Variants in TAAR5 observed in about 807,000 individuals in gnomAD.
TAAR5 encodes the protein trace amine associated receptor 5, also known as trace amine-associated receptor 5.
A neutral mutation model predicts 21.1 loss-of-function variants in TAAR5; 27 were observed. The observed-to-expected ratio is 1.28, with a 90% CI of 0.94 to 1.76. The LOEUF (loss-of-function observed/expected upper bound fraction) is 1.76. Ranked by LOEUF, TAAR5 falls within the 40% of genes most tolerant of loss-of-function variation. TAAR5 has a pLI of 0.00. For synonymous variants in TAAR5, 203 were observed against 167.5 expected (o/e 1.21, Z -1.64); for missense variants, 495 against 405.6 (o/e 1.22, Z -1.89).
rs201479349 is a variant in TAAR5 at position 132,589,316 on chromosome 6, T to G, written c.371A>C (p.His124Pro). ...GCGGTCAATGGAAATGAAACAGAGA[T>G]GGAAGATGGAGGTGAGGCAGAAGAG... Reference protein sequence around the residue: ...DTLFCLTSIFHLCFISIDRHC... With the variant: ...DTLFCLTSIFPLCFISIDRHC... The change falls in exon 1 of 1, where the codon CAT becomes CCT. Residue 124 changes from histidine (H) to proline (P), a missense_variant. His to Pro is a moderately conservative substitution (Grantham distance 77, BLOSUM62 -2). Transcript: ENST00000258034. 2.5e-5 allele frequency: 41 copies of G among 1,613,120 alleles called. No individual in the cohort carries two copies. In the East Asian group the frequency reaches 8.7e-4, roughly 34 times the overall value.
At chr6:132,612,269 T>C in the TAAR5 span, among the ~76,000 whole-genome samples, 2 of 152,210 alleles carry the variant, frequency 1.3e-5, no homozygotes, top group Non-Finnish European at 2.9e-5. Flanking sequence ...TAGTATACGC[T>C]AGAGATATAT....
the TAAR5 span, among the ~76,000 whole-genome samples, chr6:132,603,307 A>G: frequency 6.7e-6 from 1 of 150,208 alleles, no homozygotes; most frequent in South Asian, 2.1e-4. Flanking sequence ...TATCTCAAAA[A>G]AAAAAAAAAA....
At chr6:132,610,506 T>G in the TAAR5 span, among the ~76,000 whole-genome samples, 1 of 152,254 alleles carries the variant, frequency 6.6e-6, no homozygotes, top group African/African-American at 2.4e-5. Context: ...GAGCAAAAAC[T>G]GGCCCCTTCC....
chr6:132,612,092 ATGT>A, the TAAR5 span, among the ~76,000 whole-genome samples: 1 of 152,160 alleles, frequency 6.6e-6, no homozygotes, highest in Non-Finnish European at 1.5e-5. Flanking sequence ...CACCAAGGAA[ATGT>A]TGTGAACATC....
the TAAR5 span, among the ~76,000 whole-genome samples, chr6:132,613,485 T>A: frequency 1.3e-5 from 2 of 152,206 alleles, no homozygotes; most frequent in Non-Finnish European, 2.9e-5. Flanking sequence ...TATGGAATTC[T>A]CATTTTTTAA....
chr6:132,595,786 C>T, the TAAR5 span, among the ~76,000 whole-genome samples: 3 of 152,068 alleles, frequency 2.0e-5, no homozygotes, highest in South Asian at 2.1e-4. Flanking sequence ...TTTCCTGTCT[C>T]GCTTATATTG....
upstream of TAAR5, among the ~76,000 whole-genome samples, chr6:132,590,999 TC>T (rs1213111982): frequency 2.0e-5 from 3 of 152,190 alleles, no homozygotes; most frequent in African/African-American, 7.2e-5. Flanking sequence ...GTTTGTGACT[TC>T]CACACAGGAT....
chr6:132,595,053 T>G, the TAAR5 span: 2 of 152,206 alleles, frequency 1.3e-5, no homozygotes, highest in African/African-American at 4.8e-5. Flanking sequence ...AACGGTCAAC[T>G]GAGATGAAGC....
At chr6:132,612,520 T>C in the TAAR5 span, among the ~76,000 whole-genome samples, 1 of 152,174 alleles carries the variant, frequency 6.6e-6, no homozygotes, top group Admixed American at 6.6e-5. Context: ...TTTGTGTAGA[T>C]ATAATTTACT....
chr6:132,606,683 A>T, the TAAR5 span, among the ~76,000 whole-genome samples: 1 of 152,202 alleles, frequency 6.6e-6, no homozygotes, highest in Non-Finnish European at 1.5e-5. Flanking sequence ...TAGAGGGAAT[A>T]AAAACTGTAA....
At chr6:132,611,614 G>A in the TAAR5 span, among the ~76,000 whole-genome samples, 7,275 of 152,070 alleles carry the variant, frequency 0.048, 199 homozygotes, top group Middle Eastern at 0.065. Flanking sequence ...AAAGTTGATC[G>A]GGCTCAGGAT....
the TAAR5 span, among the ~76,000 whole-genome samples, chr6:132,603,675 A>G: frequency 6.6e-6 from 1 of 152,166 alleles, no homozygotes; most frequent in African/African-American, 2.4e-5. Flanking sequence ...TGATCTAGAC[A>G]TAATTTTTAA....
At chr6:132,593,636 A>G (rs1205426890), upstream of TAAR5, among the ~76,000 whole-genome samples, 1 of 152,168 alleles carries the variant, frequency 6.6e-6, no homozygotes, top group African/African-American at 2.4e-5. Context: ...TGTAAAGTTC[A>G]GTCTGGGAGG....
chr6:132,596,096 A>G, the TAAR5 span, among the ~76,000 whole-genome samples: 2 of 152,216 alleles, frequency 1.3e-5, no homozygotes, highest in South Asian at 2.1e-4. Context: ...TCAAAAATAT[A>G]AAGGAAAAAC....
At chr6:132,600,679 T>G in the TAAR5 span, among the ~76,000 whole-genome samples, 1 of 151,176 alleles carries the variant, frequency 6.6e-6, no homozygotes, top group Non-Finnish European at 1.5e-5. Flanking sequence ...CACTCTTAAC[T>G]GCTCATCCCC....
upstream of TAAR5, among the ~76,000 whole-genome samples, chr6:132,589,996 G>A (rs947156429): frequency 6.6e-6 from 1 of 152,110 alleles, no homozygotes; most frequent in Non-Finnish European, 1.5e-5. Context: ...AAGAAAAGAA[G>A]GATGTAAGCT....
the TAAR5 span, chr6:132,608,654 G>A: frequency 4.4e-6 from 2 of 455,886 alleles, no homozygotes; most frequent in African/African-American, 4.0e-5. Context: ...ATGGAGCCAG[G>A]GGTAAAGAAA....
chr6:132,601,067 A>AGGAAGGAAGGAG, the TAAR5 span, among the ~76,000 whole-genome samples: 19 of 128,140 alleles, frequency 1.5e-4, no homozygotes, highest in African/African-American at 4.5e-4. Context: ...GAGGGAAAGA[A>AGGAAGGAAGGAG]GGAAGGAAGG....
the TAAR5 span, among the ~76,000 whole-genome samples, chr6:132,610,641 T>G: frequency 1.3e-5 from 2 of 152,212 alleles, no homozygotes; most frequent in Non-Finnish European, 2.9e-5. Flanking sequence ...GAGACACTTC[T>G]TATTACCAAG....
Sources: gnomAD v4.1 joint callset for allele counts (sites outside exome capture counted in the v4.1 genomes callset) on GRCh38, gnomAD v4.1.1 for gene constraint, MANE v1.5 for transcripts, NCBI Gene and HGNC (gene_info 2026-07-23, HGNC 2026-07-21) for gene names.